Variants in LMAN1L observed in about 807,000 individuals in gnomAD.
LMAN1L encodes the protein lectin, mannose binding 1 like.
In LMAN1L, 60 loss-of-function variants were observed where a neutral mutation model predicts 58.3. The ratio of observed to expected loss-of-function variants is 1.03; its 90% CI spans 0.84 to 1.27. LMAN1L has a LOEUF of 1.27. Among genes scored for constraint, LMAN1L ranks in the 50% most tolerant of loss-of-function variants. The pLI, the probability that LMAN1L is intolerant of heterozygous loss-of-function variation, is 0.00. For missense variants in LMAN1L, 629 were observed against 674.0 expected (o/e 0.93, Z 0.74); for synonymous variants, 280 against 271.6 (o/e 1.03, Z -0.31).
At chr15:74,820,149 C>A (rs745574928) in intron 7 of LMAN1L, 50 bp downstream of exon 7, 2 of 1,507,058 alleles carry the variant, frequency 1.3e-6, no homozygotes, top group Middle Eastern at 1.7e-4. Context: ...GGACCCTGCC[C>A]TCACCCATGT....
intron 3 of LMAN1L, 48 bp downstream of exon 3, chr15:74,816,582 TC>T: frequency 6.3e-7 from 1 of 1,584,962 alleles, no homozygotes; most frequent in Non-Finnish European, 8.6e-7. Context: ...GCTCACACCC[TC>T]CCCCTCCCGC....
intron 4 of LMAN1L, among the ~76,000 whole-genome samples, chr15:74,817,868 CCGGG>C (rs2063898656): frequency 6.6e-6 from 1 of 151,930 alleles, no homozygotes. Flanking sequence ...AAAAAATTAG[CCGGG>C]TGTGGTGGCG....
At position 74,825,518 on chromosome 15, in the gene LMAN1L, C is replaced by A; in HGVS notation, c.1494C>A (p.Gly498=). ...NKSLQECLST[G]SLPLGPAPHT... is the part of the protein sequence containing the mutation. ...GCCTTCAGGAGTGTCTGTCCACAGG[C>A]AGCCTTCCTCTGGGTCCTGCACCAC... The change falls in exon 14 of 14, where the codon GGC becomes GGA. Residue 498 remains glycine, a synonymous_variant. Coordinates refer to ENST00000309664, the MANE Select transcript of LMAN1L (RefSeq NM_021819.3). 1.2e-6 allele frequency: 2 copies of A among 1,613,734 alleles called. No homozygotes were observed. The highest frequency in any genetic ancestry group is 1.7e-6 in the Non-Finnish European group (2 of 1,179,738).
rs574976444 is a variant in LMAN1L at position 74,821,001 on chromosome 15, C to T, written c.908-74C>T. 101 of 1,467,988 alleles carry T rather than the reference C, an allele frequency of 6.9e-5. No homozygotes were observed. The South Asian group carries it at 1.3e-3, about 20-fold the overall frequency. The allele number at this position is 1,467,988 out of a possible 1,614,324, so 90.9% of individuals were successfully genotyped here. A position where few individuals can be genotyped will look rare whatever the true frequency, so the allele number is the denominator to read the frequency against. On this transcript the variant is annotated intron_variant, in intron 8 of 13. Transcript: ENST00000309664. ...CTTCTGGCACCCCTCTCCAAGAAGCCACCCCAAAGATAAGATAGGCTGTGT... is the reference window on the plus strand; with the variant it reads ...CTTCTGGCACCCCTCTCCAAGAAGCTACCCCAAAGATAAGATAGGCTGTGT...
intron 8 of LMAN1L, 107 bp downstream of exon 8, chr15:74,820,874 G>T: frequency 6.8e-7 from 1 of 1,465,042 alleles, no homozygotes. Flanking sequence ...GGCCTGAGGA[G>T]GCCACATCTA....
rs2063922407 is a variant in LMAN1L at position 74,822,663 on chromosome 15, C to T, written c.1153C>T (p.Leu385=). Residue 385 remains leucine (L), a synonymous_variant, in exon 11 of 14, where the codon CTG becomes TTG. Transcript: ENST00000309664. The part of the protein sequence containing the change: ...LNKDSAKVGA[L]LHGQWTLLQA... Reference sequence around the variant, plus strand: ...GCAGGACTCTGCCAAGGTCGGTGCCCTGCTCCATGGACAGTGGACTCTGCT... The same window carrying T: ...GCAGGACTCTGCCAAGGTCGGTGCCTTGCTCCATGGACAGTGGACTCTGCT... 2 of 1,614,072 alleles carry T rather than the reference C, an allele frequency of 1.2e-6. No individual in the cohort carries two copies. The highest frequency in any genetic ancestry group is 1.7e-6 in the Non-Finnish European group (2 of 1,179,986).
intron 1 of LMAN1L, 184 bp downstream of exon 1, chr15:74,813,213 C>T (rs550163709): frequency 7.3e-6 from 5 of 681,092 alleles, no homozygotes; most frequent in Non-Finnish European, 1.0e-5. Context: ...CCTCAACACC[C>T]CCCACCCCTG....
Position 74,825,665 on chromosome 15 carries a change from G to T in LMAN1L, c.*60G>T. On this transcript the variant is annotated 3_prime_UTR_variant, in exon 14 of 14. Coordinates refer to ENST00000309664, the MANE Select transcript of LMAN1L (RefSeq NM_021819.3). ...CAGGCAGTGTCTTGGGTGGGGGCTT[G>T]GTCAGTATCCTCTCCGTCTGGGTGC... The T allele has an allele frequency of 6.4e-7, 1 of 1,561,206 alleles. No individual in the cohort carries two copies. The highest frequency in any genetic ancestry group is 8.7e-7 in the Non-Finnish European group (1 of 1,146,364).
intron 11 of LMAN1L, among the ~76,000 whole-genome samples, chr15:74,822,963 C>T (rs117651088): frequency 0.012 from 1,891 of 152,356 alleles, 15 homozygotes; most frequent in Non-Finnish European, 0.022. Flanking sequence ...ACACTCCCAC[C>T]CTCAGGAGGC....
intron 2 of LMAN1L, 46 bp downstream of exon 2, chr15:74,816,357 G>A (rs748896338): frequency 1.2e-6 from 2 of 1,604,278 alleles, no homozygotes; most frequent in Non-Finnish European, 1.7e-6. Context: ...GGGTCAGGGA[G>A]GCGGGTGATG....
At chr15:74,816,591 CG>C (rs777429088) in intron 3 of LMAN1L, 40 bp from the exon 4 acceptor site, 1 of 1,600,544 alleles carries the variant, frequency 6.2e-7, no homozygotes, top group Non-Finnish European at 8.5e-7. Context: ...CTCCCCCTCC[CG>C]CCATGTCCGC....
At chr15:74,825,000 T>C (rs1030233818) in intron 13 of LMAN1L, 2 of 158,222 alleles carry the variant, frequency 1.3e-5, no homozygotes, top group Admixed American at 6.2e-5. Flanking sequence ...GTTTGTGAAA[T>C]TGGGCAAAGA....
chr15:74,813,062 AG>A (rs1406816851), intron 1 of LMAN1L, 33 bp downstream of exon 1: 2 of 1,588,406 alleles, frequency 1.3e-6, no homozygotes, highest in Non-Finnish European at 8.6e-7. Context: ...AGCTATGCCC[AG>A]GGTCCCTCAA....
Position 74,821,835 on chromosome 15 carries a change from G to A in LMAN1L, c.1066G>A (p.Asp356Asn). The A allele has an allele frequency of 6.2e-7, 1 of 1,612,096 alleles. No individual in the cohort carries two copies. The highest frequency in any genetic ancestry group is 8.5e-7 in the Non-Finnish European group (1 of 1,178,500). The part of the protein sequence containing the change: ...QARPDGGWAL[D>N]ASCQIPSTPG... ...TCTCTGATCCTATCCCCAGGCCCTGGATGCTTCCTGCCAGATTCCATCCAC... is the reference window on the plus strand; with the variant it reads ...TCTCTGATCCTATCCCCAGGCCCTGAATGCTTCCTGCCAGATTCCATCCAC... The change falls in exon 10 of 14, where the codon GAT becomes AAT. Residue 356 changes from aspartate to asparagine, a missense_variant. By Grantham distance (23) the Asp-to-Asn change is conservative. Coordinates refer to ENST00000309664, the MANE Select transcript of LMAN1L (RefSeq NM_021819.3).
rs756062538 is a variant in LMAN1L at position 74,818,762 on chromosome 15, G to T, written c.542G>T (p.Arg181Leu). 1.9e-6 allele frequency: 3 copies of T among 1,611,806 alleles called. No individual in the cohort carries two copies. In the African/African-American group the frequency reaches 4.0e-5, roughly 22 times the overall value. The change falls in exon 5 of 14, where the codon CGG (arginine) becomes CTG (leucine). Residue 181 changes from arginine to leucine, a missense_variant. Physicochemically the swap from Arg to Leu is moderately radical, Grantham distance 102 (BLOSUM62 -2). Around this residue, in one of 3 missense-constraint regions of LMAN1L, gnomAD observed 573 missense variants for 597.3 expected, o/e 0.96. Transcript: ENST00000309664. ...CTGGGCTCCTGTCATTGGGACTTCC[G>T]GAACCGGCCACACCCCTTCAGAGCA... Reference protein sequence around the residue: ...QGLGSCHWDFRNRPHPFRARI... With the variant: ...QGLGSCHWDFLNRPHPFRARI...
At chr15:74,824,502 T>A in intron 13 of LMAN1L, 24 bp downstream of exon 13, 1 of 1,613,742 alleles carries the variant, frequency 6.2e-7, no homozygotes, top group Non-Finnish European at 8.5e-7. Flanking sequence ...TGAGCAGGAT[T>A]TCCCACAGCA....
chr15:74,815,390 C>T (rs2141113309), intron 1 of LMAN1L, among the ~76,000 whole-genome samples: 1 of 152,338 alleles, frequency 6.6e-6, no homozygotes, highest in Non-Finnish European at 1.5e-5. Context: ...CGAGTAGGGC[C>T]TCTGAGTTCC....
At chr15:74,818,654 A>T in intron 4 of LMAN1L, 64 bp from the exon 5 acceptor site, 1 of 1,235,484 alleles carries the variant, frequency 8.1e-7, no homozygotes, top group Non-Finnish European at 1.2e-6. Flanking sequence ...CAACTGCACC[A>T]CTGCACTCCA....
chr15:74,817,095 C>A (rs1411718235), intron 4 of LMAN1L, among the ~76,000 whole-genome samples: 1 of 152,188 alleles, frequency 6.6e-6, no homozygotes, highest in Non-Finnish European at 1.5e-5. Flanking sequence ...GCATAGCTGT[C>A]CCTTCCCTTT....
Sources: gnomAD v4.1 joint callset for allele counts (sites outside exome capture counted in the v4.1 genomes callset) on GRCh38, gnomAD v4.1.1 for gene constraint, gnomAD v4.1.1 regional missense constraint, MANE v1.5 for transcripts, NCBI Gene and HGNC (gene_info 2026-07-23, HGNC 2026-07-21) for gene names.